Variants in ZNF548 observed in about 807,000 individuals in gnomAD.
ZNF548 encodes zinc finger protein 548.
Under a neutral mutation model 10.2 loss-of-function variants are expected in ZNF548, and 10 were observed. The ratio of observed to expected loss-of-function variants is 0.98; its 90% confidence interval spans 0.60 to 1.66. The LOEUF (loss-of-function observed/expected upper bound fraction) is 1.66, where lower values mean the gene tolerates loss of function less well. ZNF548 is among the 40% of genes most tolerant of loss of function. The pLI is 0.00. For synonymous variants in ZNF548, 217 were observed against 223.5 expected (o/e 0.97, Z 0.26); for missense variants, 599 against 657.0 (o/e 0.91, Z 0.97).
chr19:57,400,453 GAC>G lies in ZNF548; in HGVS notation c.*566_*567del, dbSNP rs1401789040. 1 of 152,170 alleles carries G rather than the reference GAC, an allele frequency of 6.6e-6. No individual in the cohort carries two copies. The highest frequency in any genetic ancestry group is 1.9e-4 in the East Asian group (1 of 5,194). The allele number at this position is 152,170 out of a possible 1,614,324, so 9.4% of individuals were successfully genotyped here. On this transcript the variant is annotated 3_prime_UTR_variant, in exon 4 of 4. Transcript: ENST00000336128. ...ATTTTTTTTTTTTGTTTGTTTTTGAGACAGAGTCTTGCTCTGTCACCCAGGCT... is the reference window on the plus strand; with the variant it reads ...ATTTTTTTTTTTTGTTTGTTTTTGAGAGAGTCTTGCTCTGTCACCCAGGCT...
intron 1 of ZNF548, chr19:57,390,464 T>A (rs2088615584): frequency 4.0e-6 from 1 of 252,478 alleles, no homozygotes. Flanking sequence ...GAGTTCGAAG[T>A]TTCAAGTTAG....
rs1305379524 is a variant in ZNF548, at chr19:57,399,142, A to G, written c.891A>G (p.Thr297=). 6.2e-7 allele frequency: 1 copy of G among 1,613,668 alleles called. No homozygotes were observed. Among genetic ancestry groups the G allele is most frequent in the South Asian group, 1.1e-5 (1 of 91,060 alleles). ...GAGAAAGGCCTTATGAGTGCAACAC[A>G]TGTGGGAAATTCTTTCGGTACAGCT... ...HTGERPYECN[T]CGKFFRYSST... Residue 297 remains threonine, a synonymous_variant, in exon 4 of 4, where the codon ACA becomes ACG. Coordinates refer to ENST00000336128, the MANE Select transcript of ZNF548 (RefSeq NM_001172773.2). The surrounding 1 kb of genome is among the most constrained non-coding windows in gnomAD (Gnocchi z 4.0).
At chr19:57,396,449 T>C (rs564547870) in intron 2 of ZNF548, among the ~76,000 whole-genome samples, 19 of 152,192 alleles carry the variant, frequency 1.2e-4, no homozygotes, top group African/African-American at 3.9e-4. Context: ...CTCTTCCACA[T>C]TGGGAGGGTG....
intron 1 of ZNF548, among the ~76,000 whole-genome samples, chr19:57,391,789 G>GTTTTT (rs71186258): frequency 1.1e-4 from 10 of 93,582 alleles, no homozygotes; most frequent in South Asian, 4.2e-4. Context: ...TGTGCTTACT[G>GTTTTT]TTTTTTTTTT....
intron 1 of ZNF548, among the ~76,000 whole-genome samples, chr19:57,391,832 C>T (rs1466072678): frequency 1.1e-4 from 13 of 117,938 alleles, no homozygotes; most frequent in South Asian, 2.9e-4. Flanking sequence ...CTCGCTCCGT[C>T]GCCCAGGCTG....
rs376057261 is a variant in ZNF548 at position 57,397,075 on chromosome 19, A to G, written c.79A>G (p.Ile27Val). The change falls in exon 3 of 4, where the codon ATA (isoleucine) becomes GTA (valine). Residue 27 changes from isoleucine to valine, a missense_variant. Ile to Val is a conservative substitution (Grantham distance 29). Transcript: ENST00000336128. ...QGRVVFEDVA[I>V]YFSQEEWGHL... Reference sequence around the variant, plus strand: ...CCGTGTGGTCTTTGAGGACGTGGCCATATATTTCTCCCAGGAGGAGTGGGG... The same window carrying G: ...CCGTGTGGTCTTTGAGGACGTGGCCGTATATTTCTCCCAGGAGGAGTGGGG... 3.7e-6 allele frequency: 6 copies of G among 1,612,950 alleles called. No individual in the cohort carries two copies. The African/African-American group carries it at 5.4e-5, about 14-fold the overall frequency.
intron 2 of ZNF548, among the ~76,000 whole-genome samples, chr19:57,394,896 T>C (rs1014099502): frequency 5.9e-5 from 9 of 152,124 alleles, no homozygotes; most frequent in African/African-American, 2.2e-4. Context: ...GGTTTTTGTT[T>C]GGAAGCATAG....
At chr19:57,396,193 G>A (rs976836416) in intron 2 of ZNF548, among the ~76,000 whole-genome samples, 1 of 152,204 alleles carries the variant, frequency 6.6e-6, no homozygotes, top group African/African-American at 2.4e-5. Context: ...GGAGGAGTGT[G>A]AATGGAGGGC....
intron 2 of ZNF548, 88 bp from the exon 3 acceptor site, chr19:57,396,960 G>A (rs1271515878): frequency 6.6e-7 from 1 of 1,512,190 alleles, no homozygotes; most frequent in Non-Finnish European, 8.9e-7. Context: ...TGTTTAATGG[G>A]TGGTAAATAT....
Position 57,389,896 on chromosome 19 carries a change from T to C in ZNF548, c.-204T>C, listed in dbSNP as rs1207299496. ...CCTGGTGGTGGTCGTTTTGGTTCTG[T>C]GTGGTGTTTCACCAACTTCGGCCTA... On this transcript the variant is annotated 5_prime_UTR_variant, in exon 1 of 4. Transcript: ENST00000336128. 5.3e-6 allele frequency: 3 copies of C among 564,254 alleles called. No homozygotes were observed. Among genetic ancestry groups the C allele is most frequent in the East Asian group, 3.0e-5 (1 of 33,458 alleles). The allele number at this position is 564,254 out of a possible 1,614,324, so 35.0% of individuals were successfully genotyped here.
Position 57,398,757 on chromosome 19 carries a change from A to T in ZNF548, c.506A>T (p.Glu169Val). ...GCAGAGGAGATCTTCACATGCATGGAGGGCTGGAAGGACTTACCAGCCACC... is the reference window on the plus strand; with the variant it reads ...GCAGAGGAGATCTTCACATGCATGGTGGGCTGGAAGGACTTACCAGCCACC... ...HMAEEIFTCM[E>V]GWKDLPATSC... The change falls in exon 4 of 4, where the codon GAG (glutamate) becomes GTG (valine). Residue 169 changes from glutamate (E) to valine (V), a missense_variant. By Grantham distance (121) the Glu-to-Val change is moderately radical. Transcript: ENST00000336128. 1 of 1,614,048 alleles carries T rather than the reference A, an allele frequency of 6.2e-7. No individual in the cohort carries two copies. Among genetic ancestry groups the T allele is most frequent in the Non-Finnish European group, 8.5e-7 (1 of 1,179,912 alleles).
At position 57,399,640 on chromosome 19, in the gene ZNF548, CAG is replaced by C. The variant is rs760496937; in HGVS notation, c.1394_1395del (p.Glu465ValfsTer6). 8 of 1,614,034 alleles carry C rather than the reference CAG, an allele frequency of 5.0e-6. No individual in the cohort carries two copies. In the East Asian group the frequency reaches 1.1e-4, roughly 22 times the overall value. ...NHTGERPYEC[R>X]ECGKAFSHKH... ...ACACTGGAGAAAGGCCTTACGAGTG[CAG>C]AGAGTGTGGGAAAGCCTTTAGCCAC... On this transcript the variant is annotated frameshift_variant, in exon 4 of 4. Transcript: ENST00000336128. LOFTEE classifies it low-confidence loss of function (END_TRUNC). The surrounding 1 kb of genome is among the most constrained non-coding windows in gnomAD (Gnocchi z 4.0).
chr19:57,401,413 A>C lies in ZNF548; in HGVS notation c.*1524A>C, dbSNP rs577969236. 2 of 152,248 alleles carry C rather than the reference A, an allele frequency of 1.3e-5. No homozygotes were observed. The highest frequency in any genetic ancestry group is 2.9e-5 in the Non-Finnish European group (2 of 68,052). The allele number at this position is 152,248 out of a possible 1,614,324, so 9.4% of individuals were successfully genotyped here. A position where few individuals can be genotyped will look rare whatever the true frequency, so the allele number is the denominator to read the frequency against. On this transcript the variant is annotated 3_prime_UTR_variant, in exon 4 of 4. Transcript: ENST00000336128. ...ACTATATAGTATAATAAATATTTAC[A>C]TAGCATTTACATTGTATTAGAAGTT...
rs2123043479 is a variant in ZNF548 at position 57,397,179 on chromosome 19, G to A, written c.178+5G>A. The A allele has an allele frequency of 1.9e-6, 3 of 1,597,832 alleles. No homozygotes were observed. The highest frequency in any genetic ancestry group is 2.6e-6 in the Non-Finnish European group (3 of 1,171,240). On this transcript the variant is annotated splice_donor_5th_base_variant and intron_variant, in intron 3 of 3. Transcript: ENST00000336128. ...TGGCCCTTTTGTCCTCACTAGGTAA[G>A]GCCCTCACACTTGCCCAGTGTCCTG...
intron 1 of ZNF548, 79 bp from the exon 2 acceptor site, chr19:57,394,109 C>A: frequency 1.4e-6 from 2 of 1,464,942 alleles, no homozygotes; most frequent in Non-Finnish European, 1.9e-6. Flanking sequence ...CCAGGCAGGG[C>A]AGACGAGGTG....
intron 2 of ZNF548, among the ~76,000 whole-genome samples, 162 bp downstream of exon 2, chr19:57,394,385 G>T (rs1033785128): frequency 1.3e-5 from 2 of 152,188 alleles, no homozygotes; most frequent in Non-Finnish European, 2.9e-5. Context: ...TACATAGACT[G>T]GTCCCCGTTT....
At chr19:57,392,195 C>G (rs1008143146) in intron 1 of ZNF548, among the ~76,000 whole-genome samples, 1 of 152,136 alleles carries the variant, frequency 6.6e-6, no homozygotes, top group Non-Finnish European at 1.5e-5. Flanking sequence ...TATTAGTACC[C>G]TGTCAGATGC....
In ZNF548 at chr19:57,399,267, A is replaced by G. The variant is rs1440002908; in HGVS notation, c.1016A>G (p.His339Arg). ...FFMDSSTLIK[H>R]QRVHTGERPY... Reference sequence around the variant, plus strand: ...ATGGACAGCTCCACACTCATTAAACATCAGAGAGTTCACACCGGAGAAAGA... The same window carrying G: ...ATGGACAGCTCCACACTCATTAAACGTCAGAGAGTTCACACCGGAGAAAGA... Residue 339 changes from histidine (H) to arginine (R), a missense_variant, in exon 4 of 4, where the codon CAT (histidine) becomes CGT (arginine). Physicochemically the swap from His to Arg is conservative, Grantham distance 29. Coordinates refer to ENST00000336128, the MANE Select transcript of ZNF548 (RefSeq NM_001172773.2). The surrounding 1 kb of genome is among the most constrained non-coding windows in gnomAD (Gnocchi z 4.0). 1 of 1,614,046 alleles carries G rather than the reference A, an allele frequency of 6.2e-7. No individual in the cohort carries two copies. Among genetic ancestry groups the G allele is most frequent in the Non-Finnish European group, 8.5e-7 (1 of 1,179,982 alleles).
chr19:57,391,622 A>T (rs1166541616), intron 1 of ZNF548, among the ~76,000 whole-genome samples: 1 of 152,102 alleles, frequency 6.6e-6, no homozygotes, highest in Non-Finnish European at 1.5e-5. Flanking sequence ...CCTGGGCAAC[A>T]TCAGTTGTTT....
Sources: allele counts gnomAD v4.1 joint callset (sites outside exome capture counted in the v4.1 genomes callset), GRCh38; gene constraint gnomAD v4.1.1; non-coding constraint Gnocchi (gnomAD v3.1); transcripts MANE v1.5; gene names NCBI Gene and HGNC (gene_info 2026-07-23, HGNC 2026-07-21).